RBFOX1: variants seen among roughly 807,000 people sequenced by gnomAD.
The protein encoded by RBFOX1 is RNA binding fox-1 homolog 1.
RBFOX1 carries 8 observed loss-of-function variants against 57.7 expected under a neutral mutation model. The observed-to-expected ratio is 0.14, with a 90% confidence interval of 0.08 to 0.25. RBFOX1 has a LOEUF of 0.25. Ranked by LOEUF, RBFOX1 falls within the 10% of genes least tolerant of loss-of-function variation. RBFOX1 has a pLI of 1.00. For synonymous variants in RBFOX1, 326 were observed against 222.4 expected, an observed-to-expected ratio of 1.47 and a Z score of -4.15; for missense variants, 611 against 548.5, an observed-to-expected ratio of 1.11 and a Z score of -1.14.
chr16:5,971,031 G>C (rs549189335), intron 4 of RBFOX1, among the ~76,000 whole-genome samples: 2 of 152,286 alleles, frequency 1.3e-5, no homozygotes, highest in East Asian at 3.9e-4. Flanking sequence ...CCATACCAGA[G>C]GATGCTCCCT....
At chr16:5,890,924 A>G (rs1176554715) in intron 4 of RBFOX1, among the ~76,000 whole-genome samples, 1 of 152,136 alleles carries the variant, frequency 6.6e-6, no homozygotes, top group East Asian at 1.9e-4. Context: ...CATTGGATAC[A>G]TGGCTCCTTC....
intron 4 of RBFOX1, among the ~76,000 whole-genome samples, chr16:7,479,233 C>T (rs1379784295): frequency 6.6e-6 from 1 of 151,714 alleles, no homozygotes; most frequent in African/African-American, 2.4e-5. Flanking sequence ...AGGCAACTCT[C>T]CTGCCTCAGC....
chr16:7,500,317 T>C (rs2070307714), intron 4 of RBFOX1, among the ~76,000 whole-genome samples: 2 of 152,228 alleles, frequency 1.3e-5, no homozygotes, highest in African/African-American at 4.8e-5. Context: ...TACAAAGTAG[T>C]AGGAACTTCA....
intron 4 of RBFOX1, among the ~76,000 whole-genome samples, chr16:7,505,425 C>T (rs1278497110): frequency 1.3e-5 from 2 of 152,246 alleles, no homozygotes; most frequent in African/African-American, 2.4e-5. Flanking sequence ...TGCTTGATGC[C>T]GTTGGTTGGG....
chr16:7,582,308 A>C (rs1456175613), intron 6 of RBFOX1, among the ~76,000 whole-genome samples: 2 of 152,214 alleles, frequency 1.3e-5, no homozygotes. Flanking sequence ...AACCTTGTTC[A>C]TCACAAATAG....
At chr16:6,304,982 G>C (rs1055085721) in intron 1 of RBFOX1, among the ~76,000 whole-genome samples, 1 of 151,458 alleles carries the variant, frequency 6.6e-6, no homozygotes, top group Non-Finnish European at 1.5e-5. Flanking sequence ...GAACTAGTGA[G>C]ATGATGGATA....
intron 2 of RBFOX1, among the ~76,000 whole-genome samples, chr16:5,515,690 T>A (rs2043767004): frequency 6.6e-6 from 1 of 152,112 alleles, no homozygotes; most frequent in South Asian, 2.1e-4. Context: ...AAAACCAATA[T>A]CCAATAGTTT....
chr16:7,032,427 G>T (rs1176146348), intron 3 of RBFOX1, among the ~76,000 whole-genome samples: 1 of 151,872 alleles, frequency 6.6e-6, no homozygotes, highest in East Asian at 1.9e-4. Context: ...GGGCAATAGA[G>T]CAAGACTTCA....
intron 1 of RBFOX1, among the ~76,000 whole-genome samples, chr16:6,120,136 C>T (rs1390369676): frequency 6.6e-6 from 1 of 152,238 alleles, no homozygotes; most frequent in Admixed American, 6.5e-5. Context: ...CCTTTTATGG[C>T]TGAATAACGT....
At chr16:6,422,787 C>T (rs1339582837) in intron 2 of RBFOX1, among the ~76,000 whole-genome samples, 1 of 152,130 alleles carries the variant, frequency 6.6e-6, no homozygotes, top group South Asian at 2.1e-4. Context: ...CGCTGTGAGC[C>T]AACCACCTCC....
chr16:5,448,177 C>A (rs914482709), intron 1 of RBFOX1, among the ~76,000 whole-genome samples: 1 of 152,172 alleles, frequency 6.6e-6, no homozygotes, highest in African/African-American at 2.4e-5. Flanking sequence ...ATTCTGAGAG[C>A]TAAGCCTCCG....
chr16:5,421,937 A>C (rs1223760919), intron 1 of RBFOX1, among the ~76,000 whole-genome samples: 2 of 152,184 alleles, frequency 1.3e-5, no homozygotes, highest in African/African-American at 4.8e-5. Context: ...GAGTGTCAAG[A>C]ATACGAAAAG....
chr16:6,621,262 G>C (rs145876464), intron 2 of RBFOX1, among the ~76,000 whole-genome samples: 7,213 of 152,156 alleles, frequency 0.047, 216 homozygotes, highest in African/African-American at 0.05. Flanking sequence ...GAGATGGAGA[G>C]TATCTTGGCT....
intron 2 of RBFOX1, among the ~76,000 whole-genome samples, chr16:6,420,158 C>G (rs565200993): frequency 6.6e-6 from 1 of 152,306 alleles, no homozygotes; most frequent in South Asian, 2.1e-4. Context: ...CCTGCTTCAA[C>G]TCTGCAGTCG....
At chr16:5,807,276 A>G (rs1298172275) in intron 3 of RBFOX1, among the ~76,000 whole-genome samples, 1 of 152,092 alleles carries the variant, frequency 6.6e-6, no homozygotes, top group Non-Finnish European at 1.5e-5. Context: ...TATGAATTGC[A>G]TCTTCTTGTA....
intron 2 of RBFOX1, among the ~76,000 whole-genome samples, chr16:5,532,504 G>A (rs935203255): frequency 2.6e-5 from 4 of 152,168 alleles, no homozygotes; most frequent in Admixed American, 6.5e-5. Flanking sequence ...AAAGTTTAAG[G>A]GGCTGGGCTT....
chr16:6,808,160 ATGTGTG>A (rs373756020), intron 3 of RBFOX1, among the ~76,000 whole-genome samples: 1 of 140,098 alleles, frequency 7.1e-6, no homozygotes, highest in African/African-American at 2.7e-5. Flanking sequence ...TACCTTATAT[ATGTGTG>A]TGTGTGTGTG....
chr16:5,332,726 T>C (rs1256117813), intron 1 of RBFOX1, among the ~76,000 whole-genome samples: 2 of 151,856 alleles, frequency 1.3e-5, no homozygotes, highest in Non-Finnish European at 2.9e-5. Context: ...TTACCATGTG[T>C]AGATATTATT....
At chr16:6,260,893 AG>A (rs1340805642) in intron 1 of RBFOX1, among the ~76,000 whole-genome samples, 1 of 152,204 alleles carries the variant, frequency 6.6e-6, no homozygotes, top group Non-Finnish European at 1.5e-5. Context: ...AAAAAAGGAA[AG>A]AAAAAAAGAA....
Sources: allele counts gnomAD v4.1 joint callset (sites outside exome capture counted in the v4.1 genomes callset), GRCh38; gene constraint gnomAD v4.1.1; transcripts MANE v1.5; gene names NCBI Gene and HGNC (gene_info 2026-07-23, HGNC 2026-07-21).